The following KDM4F variants were observed in gnomAD, a reference collection of about 807,000 sequenced individuals.
KDM4F encodes the protein probable lysine-specific demethylase 4F.
For missense variants in KDM4F, 586 were observed against 496.4 expected (o/e 1.18, Z -1.71); for synonymous variants, 223 against 184.4 (o/e 1.21, Z -1.70).
chr11:95,050,007 T>C (rs1290468463), exon 1 of KDM4F: 1 of 1,614,160 alleles, frequency 6.2e-7, no homozygotes, highest in Non-Finnish European at 8.5e-7. Context: ...CATGGACCTT[T>C]ACAGCATCAA....
chr11:95,049,975 C>T (rs1183683427), exon 1 of KDM4F: 11 of 1,614,094 alleles, frequency 6.8e-6, no homozygotes, highest in South Asian at 1.1e-5. Context: ...TGGAAGACCA[C>T]GTTTGCTTGG....
exon 1 of KDM4F, chr11:95,049,514 T>C (rs1858489311): frequency 1.3e-6 from 2 of 1,587,930 alleles, no homozygotes; most frequent in Middle Eastern, 1.7e-4. Flanking sequence ...TCAACACATA[T>C]GTTGCTTACA....
At chr11:95,051,226 C>A in exon 1 of KDM4F, 3 of 398,866 alleles carry the variant, frequency 7.5e-6, no homozygotes, top group Non-Finnish European at 8.8e-6. Flanking sequence ...GACTCATCTG[C>A]TGGGGCTAAA....
exon 1 of KDM4F, chr11:95,050,508 G>A: frequency 1.4e-6 from 1 of 712,018 alleles, no homozygotes; most frequent in Admixed American, 2.0e-5. Context: ...GGAGGACATA[G>A]CACTTAGGAG....
exon 1 of KDM4F, chr11:95,051,231 G>A (rs1044850204): frequency 5.0e-6 from 2 of 398,816 alleles, no homozygotes; most frequent in Non-Finnish European, 8.8e-6. Flanking sequence ...ATCTGCTGGG[G>A]CTAAAGCCAG....
chr11:95,050,613 G>A (rs1858501691), exon 1 of KDM4F: 1 of 637,682 alleles, frequency 1.6e-6, no homozygotes, highest in Admixed American at 2.5e-5. Context: ...AAAGGGCGGT[G>A]GTACCGATGC....
exon 1 of KDM4F, chr11:95,049,499 A>C: frequency 6.3e-7 from 1 of 1,575,134 alleles, no homozygotes. Context: ...AAGAATTTGC[A>C]GATTTCAACA....
exon 1 of KDM4F, chr11:95,050,862 G>T: frequency 3.7e-6 from 2 of 538,810 alleles, no homozygotes; most frequent in South Asian, 5.7e-5. Flanking sequence ...CCAGTTCGCC[G>T]ATGAAGCTTT....
the KDM4F span, chr11:95,049,578 G>T: frequency 6.3e-7 from 1 of 1,598,120 alleles, no homozygotes; most frequent in South Asian, 1.1e-5. Flanking sequence ...TCCACCCAAG[G>T]AATGGAAAGC....
exon 1 of KDM4F, chr11:95,050,497 G>A: frequency 2.8e-6 from 2 of 721,062 alleles, no homozygotes; most frequent in Non-Finnish European, 5.0e-6. Context: ...AGCAACTGGA[G>A]GGAGGACATA....
exon 1 of KDM4F, chr11:95,050,682 A>G: frequency 3.2e-6 from 2 of 616,524 alleles, no homozygotes; most frequent in South Asian, 3.8e-5. Flanking sequence ...TCCCCCTTCC[A>G]CTGGAAGGTG....
At chr11:95,049,796 C>G in exon 1 of KDM4F, 1 of 1,594,140 alleles carries the variant, frequency 6.3e-7, no homozygotes. Flanking sequence ...ACTGGAAGAG[C>G]CACCCCGGTA....
chr11:95,049,814 A>G, exon 1 of KDM4F: 1 of 1,596,238 alleles, frequency 6.3e-7, no homozygotes, highest in Non-Finnish European at 8.5e-7. Flanking sequence ...GTAATCCACC[A>G]ATTTATGGTG....
chr11:95,050,507 A>C, exon 1 of KDM4F: 1 of 711,970 alleles, frequency 1.4e-6, no homozygotes, highest in Non-Finnish European at 2.5e-6. Flanking sequence ...GGGAGGACAT[A>C]GCACTTAGGA....
chr11:95,050,673 C>T, exon 1 of KDM4F: 1 of 618,378 alleles, frequency 1.6e-6, no homozygotes, highest in East Asian at 2.7e-5. Context: ...CTGGGTTCTT[C>T]CCCCTTCCAC....
chr11:95,051,071 C>T (rs1858507141), exon 1 of KDM4F: 4 of 411,726 alleles, frequency 9.7e-6, no homozygotes, highest in Non-Finnish European at 1.7e-5. Flanking sequence ...CTCCCAGTGT[C>T]ACTGTGCCTT....
exon 1 of KDM4F, chr11:95,049,624 T>C (rs1367732487): frequency 7.5e-6 from 12 of 1,599,504 alleles, no homozygotes; most frequent in East Asian, 2.2e-5. Context: ...GACATCTTAA[T>C]AGCCACTCCC....
At chr11:95,049,724 G>A in exon 1 of KDM4F, 1 of 1,605,512 alleles carries the variant, frequency 6.2e-7, no homozygotes, top group South Asian at 1.1e-5. Context: ...ATCGCCACTT[G>A]GCAAACAGTA....
chr11:95,049,562 G>A (rs1288866827), exon 1 of KDM4F: 2 of 1,597,428 alleles, frequency 1.3e-6, no homozygotes, highest in East Asian at 2.2e-5. Context: ...GCCTCGCCAA[G>A]GTAATTCCAC....
Sources: allele counts gnomAD v4.1 joint callset, GRCh38; gene constraint gnomAD v4.1.1; transcripts MANE v1.5; gene names NCBI Gene and HGNC (gene_info 2026-07-23, HGNC 2026-07-21).